The following PLEKHA8 variants were observed in gnomAD, a reference collection of about 807,000 sequenced individuals.
PLEKHA8 encodes pleckstrin homology domain containing A8, also known as pleckstrin homology domain-containing family A member 8.
Under a neutral mutation model 68.2 loss-of-function variants are expected in PLEKHA8, and 36 were observed. The observed-to-expected ratio is 0.53, with a 90% CI of 0.40 to 0.70. The LOEUF (loss-of-function observed/expected upper bound fraction) is 0.70. Ranked by LOEUF, PLEKHA8 falls within the 30% of genes least tolerant of loss-of-function variation. The pLI is 0.00. For missense variants in PLEKHA8, 505 were observed against 615.4 expected, an observed-to-expected ratio of 0.82 and a Z score of 1.90; for synonymous variants, 211 against 216.1, an observed-to-expected ratio of 0.98 and a Z score of 0.20.
chr7:30,052,415 T>G (rs2127978666), intron 6 of PLEKHA8, among the ~76,000 whole-genome samples: 1 of 152,208 alleles, frequency 6.6e-6, no homozygotes, highest in East Asian at 1.9e-4. Flanking sequence ...GGTGGGAGGA[T>G]TGCCTGAGGC....
intron 13 of PLEKHA8, among the ~76,000 whole-genome samples, chr7:30,100,869 G>T (rs1420099012): frequency 6.6e-6 from 1 of 152,154 alleles, no homozygotes; most frequent in Non-Finnish European, 1.5e-5. Context: ...CTAAATGTAG[G>T]ATGTTTGCAA....
At chr7:30,123,457 C>T (rs534595181) in intron 13 of PLEKHA8, among the ~76,000 whole-genome samples, 1 of 152,348 alleles carries the variant, frequency 6.6e-6, no homozygotes, top group South Asian at 2.1e-4. Flanking sequence ...ATCAAGGGAT[C>T]CCCGTCCTCA....
At position 30,078,845 on chromosome 7, in the gene PLEKHA8, C is replaced by A. The variant is rs1794775279; in HGVS notation, c.*58C>A. The A allele has an allele frequency of 6.4e-7, 1 of 1,561,644 alleles. No homozygotes were observed. The highest frequency in any genetic ancestry group is 1.2e-5 in the South Asian group (1 of 83,054). On this transcript the variant is annotated 3_prime_UTR_variant, in exon 14 of 14. Transcript: ENST00000449726. ...AATAAGTGCTAAAGTGTTTTGTTGC[C>A]CTACTTAATTTCCAGCAACAGCCTC...
rs1482344716 is a variant in PLEKHA8, at chr7:30,115,701, CATGTAT to C, written c.1363-13563_1363-13558del. 3.7e-4 allele frequency: 54 copies of C among 145,012 alleles called. 1 individual carries two copies. The highest frequency in any genetic ancestry group is 1.3e-3 in the African/African-American group (49 of 38,350). The allele number at this position is 145,012 out of a possible 1,614,324, so 9.0% of individuals were successfully genotyped here. On this transcript the variant is annotated intron_variant, in intron 13 of 13. Transcript: ENST00000396257. ...ACGCACATACATGCATACACGTATA[CATGTAT>C]ACATACGCGCATGCATGCATACACG...
intron 13 of PLEKHA8, among the ~76,000 whole-genome samples, chr7:30,101,460 G>C (rs1795851334): frequency 6.6e-6 from 1 of 152,104 alleles, no homozygotes; most frequent in African/African-American, 2.4e-5. Context: ...TCTCTTCCAG[G>C]TTGCAGACAG....
chr7:30,058,252 C>T (rs561735128), intron 9 of PLEKHA8, among the ~76,000 whole-genome samples: 1 of 152,166 alleles, frequency 6.6e-6, no homozygotes, highest in South Asian at 2.1e-4. Context: ...GGCTTGCCTC[C>T]TCCTTTTCTT....
intron 13 of PLEKHA8, among the ~76,000 whole-genome samples, chr7:30,076,986 C>T (rs1040751706): frequency 7.9e-5 from 12 of 152,172 alleles, no homozygotes; most frequent in African/African-American, 2.7e-4. Flanking sequence ...TGGCTGCCTC[C>T]ATCTTGGTCA....
intron 9 of PLEKHA8, among the ~76,000 whole-genome samples, chr7:30,056,856 T>C (rs1463273102): frequency 6.8e-6 from 1 of 146,608 alleles, no homozygotes; most frequent in Non-Finnish European, 1.5e-5. Context: ...TAGATAAATA[T>C]ATCTGAAAAT....
At chr7:30,086,470 T>C (rs1030611073), downstream of PLEKHA8, among the ~76,000 whole-genome samples, 1 of 152,240 alleles carries the variant, frequency 6.6e-6, no homozygotes, top group African/African-American at 2.4e-5. Flanking sequence ...CTTGGACTGC[T>C]GTCCAGAGGG....
chr7:30,028,584 T>C lies in PLEKHA8; in HGVS notation c.-179T>C. On this transcript the variant is annotated 5_prime_UTR_variant, in exon 1 of 14. Coordinates refer to ENST00000449726, the MANE Select transcript of PLEKHA8 (RefSeq NM_001197026.2). ...GCTTCAAGCGCCGAGGCCGCCGCAG[T>C]GACCCCGCCCCCGGGCCGAGGATGT... 2 of 411,184 alleles carry C rather than the reference T, an allele frequency of 4.9e-6. No individual in the cohort carries two copies. Among genetic ancestry groups the C allele is most frequent in the Non-Finnish European group, 8.2e-6 (2 of 242,816 alleles). 25.5% of individuals were successfully genotyped at this position (411,184 alleles called of 1,614,324 possible).
intron 13 of PLEKHA8, among the ~76,000 whole-genome samples, chr7:30,116,744 C>A (rs768386430): frequency 6.6e-6 from 1 of 152,208 alleles, no homozygotes; most frequent in Non-Finnish European, 1.5e-5. Context: ...ATCTTAGCTA[C>A]TCCCCCATTC....
intron 13 of PLEKHA8, among the ~76,000 whole-genome samples, chr7:30,115,636 A>C (rs902001732): frequency 2.0e-5 from 3 of 150,918 alleles, no homozygotes; most frequent in African/African-American, 7.4e-5. Flanking sequence ...ATGTACACAT[A>C]CATGCACACA....
chr7:30,035,806 G>A (rs1791020333), intron 1 of PLEKHA8, among the ~76,000 whole-genome samples: 1 of 151,704 alleles, frequency 6.6e-6, no homozygotes, highest in East Asian at 2.0e-4. Context: ...ACCAAGCCCG[G>A]CTGATTTTTT....
Position 30,079,414 on chromosome 7 carries a change from T to C in PLEKHA8, c.*627T>C. The C allele has an allele frequency of 1.0e-6, 1 of 985,722 alleles. No homozygotes were observed. Among genetic ancestry groups the C allele is most frequent in the Non-Finnish European group, 1.2e-6 (1 of 830,224 alleles). The allele number at this position is 985,722 out of a possible 1,614,324, so 61.1% of individuals were successfully genotyped here. A position where few individuals can be genotyped will look rare whatever the true frequency, so the allele number is the denominator to read the frequency against. On this transcript the variant is annotated 3_prime_UTR_variant, in exon 14 of 14. Transcript: ENST00000449726. ...TTGCTGACAGGCATGAAACCGTTGC[T>C]CTGAGAAGATTAATGGTGTGCCCTA...
intron 9 of PLEKHA8, among the ~76,000 whole-genome samples, chr7:30,056,310 C>CTCTCTCTCTT (rs1792881632): frequency 2.8e-5 from 2 of 72,202 alleles, no homozygotes; most frequent in African/African-American, 9.4e-5. Context: ...CTCTCTCTCT[C>CTCTCTCTCTT]TCTATATATA....
chr7:30,041,879 G>T (rs368644307), intron 1 of PLEKHA8, among the ~76,000 whole-genome samples: 9 of 151,994 alleles, frequency 5.9e-5, no homozygotes, highest in East Asian at 1.9e-4. Flanking sequence ...CCTGTGCTAT[G>T]TCATTGTTTA....
chr7:30,053,407 T>G (rs1459486739), intron 7 of PLEKHA8, among the ~76,000 whole-genome samples: 1 of 152,210 alleles, frequency 6.6e-6, no homozygotes, highest in Non-Finnish European at 1.5e-5. Flanking sequence ...TATTAGAGCT[T>G]TTAATTGTGT....
chr7:30,116,167 T>G (rs1307544106), intron 13 of PLEKHA8, among the ~76,000 whole-genome samples: 1 of 150,720 alleles, frequency 6.6e-6, no homozygotes, highest in Non-Finnish European at 1.5e-5. Flanking sequence ...CGTATACATG[T>G]GTATACATAT....
chr7:30,091,577 A>T (rs1471508044), downstream of PLEKHA8, among the ~76,000 whole-genome samples: 1 of 152,052 alleles, frequency 6.6e-6, no homozygotes, highest in Non-Finnish European at 1.5e-5. Context: ...CTCATTAAGG[A>T]TTGGGACATT....
Sources: allele counts gnomAD v4.1 joint callset (sites outside exome capture counted in the v4.1 genomes callset), GRCh38; gene constraint gnomAD v4.1.1; transcripts MANE v1.5; gene names NCBI Gene and HGNC (gene_info 2026-07-23, HGNC 2026-07-21).